The following RAB10 variants were observed in gnomAD, a reference collection of about 807,000 sequenced individuals.
RAB10 encodes ras-related protein Rab-10.
A neutral mutation model predicts 25.7 loss-of-function variants in RAB10; 5 were observed. The observed-to-expected ratio is 0.19, with a 90% CI of 0.10 to 0.41. The LOEUF (loss-of-function observed/expected upper bound fraction) is 0.41. Among genes scored for constraint, RAB10 ranks in the 10% least tolerant of loss-of-function variants. The pLI is 1.00. For missense variants in RAB10, 103 were observed against 245.8 expected (o/e 0.42, Z 3.89); for synonymous variants, 89 against 86.4 (o/e 1.03, Z -0.16).
upstream of RAB10, among the ~76,000 whole-genome samples, chr2:26,033,827 G>A (rs1188734078): frequency 6.6e-6 from 1 of 152,210 alleles, no homozygotes; most frequent in Non-Finnish European, 1.5e-5. Context: ...CGCCTGCGCA[G>A]TCGCTAGGTA....
intron 1 of RAB10, among the ~76,000 whole-genome samples, chr2:26,066,258 G>A (rs1485507629): frequency 2.0e-5 from 3 of 151,456 alleles, no homozygotes; most frequent in Non-Finnish European, 2.9e-5. Context: ...TTTTCCAGTG[G>A]ACAAGAAAAC....
rs543729854 is a variant in RAB10 at position 26,059,413 on chromosome 2, T to C, written c.127+24678T>C. Among the ~76,000 whole-genome samples the C allele has an allele frequency of 7.9e-4, 120 of 152,358 alleles. 1 individual carries two copies. The South Asian group carries it at 0.016, about 20-fold the overall frequency. ...ACACAATGTACTAGAATATAACTTC[T>C]AACATTTAGTAGCATAAGCAAGCAT... On this transcript the variant is annotated intron_variant, in intron 1 of 5. Coordinates refer to ENST00000264710, the MANE Select transcript of RAB10 (RefSeq NM_016131.5).
At chr2:26,033,593 T>G (rs1665680409), upstream of RAB10, among the ~76,000 whole-genome samples, 1 of 152,202 alleles carries the variant, frequency 6.6e-6, no homozygotes, top group Non-Finnish European at 1.5e-5. Flanking sequence ...GGCGCGGCTT[T>G]TTCTCGCGTT....
At chr2:26,092,261 C>G (rs975917473) in intron 1 of RAB10, among the ~76,000 whole-genome samples, 1 of 130,886 alleles carries the variant, frequency 7.6e-6, no homozygotes. Context: ...ATAGTGAGAG[C>G]TGTGTGTGTG....
intron 3 of RAB10, among the ~76,000 whole-genome samples, chr2:26,125,054 A>G (rs1667878834): frequency 1.3e-5 from 2 of 152,158 alleles, no homozygotes; most frequent in South Asian, 4.1e-4. Flanking sequence ...ATTGTGAATA[A>G]TGTTGCTGTG....
chr2:26,071,875 AT>A (rs1296012533), intron 1 of RAB10, among the ~76,000 whole-genome samples: 1 of 152,152 alleles, frequency 6.6e-6, no homozygotes, highest in Non-Finnish European at 1.5e-5. Context: ...TCTTAAAAAA[AT>A]AAATAAATAA....
rs1213686400 is a variant in RAB10, at chr2:26,034,559, G to T, written c.-50G>T. 2 of 1,610,878 alleles carry T rather than the reference G, an allele frequency of 1.2e-6. No individual in the cohort carries two copies. The highest frequency in any genetic ancestry group is 1.7e-6 in the Non-Finnish European group (2 of 1,179,312). On this transcript the variant is annotated 5_prime_UTR_variant, in exon 1 of 6. Transcript: ENST00000264710. ...GTGAGGAGTTGGCCGTAGTGAGAGG[G>T]ACCGATCCCTTGGGGCCGCCGGCGG... is the stretch of plus-strand genomic sequence containing the variant.
At chr2:26,111,964 C>G (rs1432852161) in intron 3 of RAB10, among the ~76,000 whole-genome samples, 1 of 152,166 alleles carries the variant, frequency 6.6e-6, no homozygotes, top group African/African-American at 2.4e-5. Flanking sequence ...CAATGCCACT[C>G]CATGTGATCA....
chr2:26,048,032 C>T (rs1249344343), intron 1 of RAB10, among the ~76,000 whole-genome samples: 1 of 150,550 alleles, frequency 6.6e-6, no homozygotes, highest in Non-Finnish European at 1.5e-5. Context: ...GTGCCGGGCC[C>T]ATTAGTTTTT....
At chr2:26,113,011 G>A (rs1179015954) in intron 3 of RAB10, among the ~76,000 whole-genome samples, 1 of 152,050 alleles carries the variant, frequency 6.6e-6, no homozygotes, top group Non-Finnish European at 1.5e-5. Flanking sequence ...GAACCCAGGA[G>A]GCGGAGGAGG....
chr2:26,074,177 C>T (rs1184077315), intron 1 of RAB10, among the ~76,000 whole-genome samples: 2 of 147,584 alleles, frequency 1.4e-5, no homozygotes. Context: ...TAATCTGAGC[C>T]TGAGATGATG....
intron 1 of RAB10, among the ~76,000 whole-genome samples, chr2:26,061,366 C>G (rs11891886): frequency 0.028 from 4,278 of 151,968 alleles, 207 homozygotes; most frequent in African/African-American, 0.099. Flanking sequence ...ATTTGCCCAC[C>G]TGTGCCTCCC....
chr2:26,033,833 AGGTAGCGTCTCCCCC>A (rs1207299367), upstream of RAB10, among the ~76,000 whole-genome samples: 3 of 152,134 alleles, frequency 2.0e-5, no homozygotes, highest in African/African-American at 7.2e-5. Context: ...CGCAGTCGCT[AGGTAGCGTCTCCCCC>A]GGGGCGTGCT....
At chr2:26,124,916 A>G (rs1363006075) in intron 3 of RAB10, among the ~76,000 whole-genome samples, 2 of 152,234 alleles carry the variant, frequency 1.3e-5, no homozygotes, top group Non-Finnish European at 1.5e-5. Context: ...AGGTTCATCT[A>G]CATTGTAGCA....
intron 2 of RAB10, among the ~76,000 whole-genome samples, chr2:26,103,613 C>A (rs1667388914): frequency 6.6e-6 from 1 of 152,094 alleles, no homozygotes; most frequent in African/African-American, 2.4e-5. Context: ...AATTCACATA[C>A]CATACAATAT....
chr2:26,074,182 A>G (rs952974267), intron 1 of RAB10, among the ~76,000 whole-genome samples: 3 of 147,484 alleles, frequency 2.0e-5, no homozygotes, highest in Admixed American at 6.9e-5. Context: ...TGAGCCTGAG[A>G]TGATGGTATG....
intron 1 of RAB10, among the ~76,000 whole-genome samples, chr2:26,081,837 A>G (rs1666875233): frequency 6.6e-6 from 1 of 152,234 alleles, no homozygotes; most frequent in Admixed American, 6.5e-5. Flanking sequence ...AAAGCTATCA[A>G]TTTAGAATTC....
intron 1 of RAB10, among the ~76,000 whole-genome samples, chr2:26,085,322 C>T (rs897003515): frequency 2.6e-5 from 4 of 151,406 alleles, no homozygotes; most frequent in Non-Finnish European, 4.4e-5. Flanking sequence ...AACCTCATCT[C>T]TACTAAAAAT....
chr2:26,062,737 A>C (rs1574533691), intron 1 of RAB10, among the ~76,000 whole-genome samples: 1 of 152,142 alleles, frequency 6.6e-6, no homozygotes, highest in African/African-American at 2.4e-5. Context: ...AAACTGGCTT[A>C]AACAACAACA....
Sources: allele counts gnomAD v4.1 joint callset (sites outside exome capture counted in the v4.1 genomes callset), GRCh38; gene constraint gnomAD v4.1.1; transcripts MANE v1.5; gene names NCBI Gene and HGNC (gene_info 2026-07-23, HGNC 2026-07-21).